The following EPHB1 variants were observed in gnomAD, a reference collection of about 807,000 sequenced individuals.
The protein encoded by EPHB1 is ephrin type-B receptor 1.
A neutral mutation model predicts 94.4 loss-of-function variants in EPHB1; 30 were observed. That is an observed-to-expected ratio of 0.32 (90% CI 0.24 to 0.43). EPHB1 has a LOEUF of 0.43. Ranked by LOEUF, EPHB1 falls within the 20% of genes least tolerant of loss-of-function variation. EPHB1 has a pLI of 1.00. For synonymous variants in EPHB1, 522 were observed against 489.1 expected (o/e 1.07, Z -0.89); for missense variants, 1,055 against 1,308.3 (o/e 0.81, Z 2.99).
chr3:135,193,444 G>A (rs1942513563), intron 11 of EPHB1, among the ~76,000 whole-genome samples: 1 of 152,216 alleles, frequency 6.6e-6, no homozygotes, highest in South Asian at 2.1e-4. Context: ...TATGCCCAAA[G>A]TAGAGCCAGG....
chr3:135,213,100 A>C (rs766018476), intron 12 of EPHB1, among the ~76,000 whole-genome samples: 9 of 152,176 alleles, frequency 5.9e-5, no homozygotes, highest in Non-Finnish European at 8.8e-5. Flanking sequence ...AGTTTTTCCT[A>C]CCAGGTCCTC....
At chr3:134,945,029 A>G (rs1245477436) in intron 2 of EPHB1, among the ~76,000 whole-genome samples, 2 of 152,198 alleles carry the variant, frequency 1.3e-5, no homozygotes, top group African/African-American at 2.4e-5. Context: ...GCATCTTTTC[A>G]TATATTTAAG....
At chr3:135,145,488 G>A (rs563950912) in intron 5 of EPHB1, among the ~76,000 whole-genome samples, 95 of 152,276 alleles carry the variant, frequency 6.2e-4, no homozygotes, top group African/African-American at 2.2e-3. Flanking sequence ...CTGGGTTGGG[G>A]AGATAGAAAA....
Position 135,102,980 on chromosome 3 carries a change from G to A in EPHB1, c.806-3468G>A, listed in dbSNP as rs192064868. ...GTCACACCCTGGGGCCTGTTGGGGG[G>A]TGGGGGCAAGGGGAAGGATAGCATT... On this transcript the variant is annotated intron_variant, in intron 3 of 15. Transcript: ENST00000398015. Among the ~76,000 whole-genome samples, 1,019 of 152,196 alleles carry A rather than the reference G, an allele frequency of 6.7e-3. 10 individuals are homozygous for A. Among genetic ancestry groups the A allele is most frequent in the African/African-American group, 0.023 (957 of 41,500 alleles).
At chr3:135,021,497 C>A (rs917282659) in intron 3 of EPHB1, among the ~76,000 whole-genome samples, 1 of 151,534 alleles carries the variant, frequency 6.6e-6, no homozygotes, top group Non-Finnish European at 1.5e-5. Context: ...TTAAAGAAAT[C>A]TCTCCCCCCA....
rs753024740 is a variant in EPHB1, at chr3:135,201,658, A to G, written c.2315A>G (p.Asp772Gly). ...DFGLSRYLQD[D>G]TSDPTYTSSL... ...GGCCTCTCCCGCTACCTCCAGGATGACACCTCAGATCCCACCTACACCAGC... is the reference window on the plus strand; with the variant it reads ...GGCCTCTCCCGCTACCTCCAGGATGGCACCTCAGATCCCACCTACACCAGC... The change falls in exon 12 of 16, where the codon GAC becomes GGC. Residue 772 changes from aspartate (D) to glycine (G), a missense_variant. Coordinates refer to ENST00000398015, the MANE Select transcript of EPHB1 (RefSeq NM_004441.5). 7 of 1,613,710 alleles carry G rather than the reference A, an allele frequency of 4.3e-6. No individual in the cohort carries two copies. The highest frequency in any genetic ancestry group is 3.3e-5 in the Admixed American group (2 of 59,958).
intron 1 of EPHB1, among the ~76,000 whole-genome samples, chr3:134,811,251 T>TTTTTTTTTTTTTTTTTTTTTTTTTC (rs2036172164): frequency 1.0e-5 from 1 of 97,156 alleles, no homozygotes; most frequent in Non-Finnish European, 1.8e-5. Flanking sequence ...GGTTTTTTTT[T>TTTTTTTTTTTTTTTTTTTTTTTTTC]TTTTTTTTTT....
At chr3:135,048,355 G>A (rs1365209522) in intron 3 of EPHB1, among the ~76,000 whole-genome samples, 13 of 131,014 alleles carry the variant, frequency 9.9e-5, no homozygotes, top group Non-Finnish European at 2.0e-4. Flanking sequence ...CTGCAGCCTC[G>A]ACCTCCTGGG....
At chr3:135,238,751 C>T (rs1353093372) in intron 12 of EPHB1, among the ~76,000 whole-genome samples, 1 of 152,062 alleles carries the variant, frequency 6.6e-6, no homozygotes, top group Admixed American at 6.5e-5. Flanking sequence ...CTCTCTCTCA[C>T]ACACACACAC....
At chr3:135,196,789 A>G (rs1230755135) in intron 11 of EPHB1, among the ~76,000 whole-genome samples, 1 of 152,188 alleles carries the variant, frequency 6.6e-6, no homozygotes, top group East Asian at 1.9e-4. Flanking sequence ...GCCCTGAATC[A>G]GCATCTGAGA....
chr3:134,949,479 C>T (rs1425023319), intron 2 of EPHB1, among the ~76,000 whole-genome samples: 1 of 152,190 alleles, frequency 6.6e-6, no homozygotes, highest in Non-Finnish European at 1.5e-5. Context: ...AGCCTTGCTT[C>T]TATCCACTTG....
chr3:135,048,238 CTTTTT>C (rs1937061297), intron 3 of EPHB1, among the ~76,000 whole-genome samples: 1 of 73,478 alleles, frequency 1.4e-5, no homozygotes, highest in African/African-American at 5.8e-5. Flanking sequence ...TTTTTTTTTT[CTTTTT>C]CTTTCTTTCT....
chr3:135,064,100 ATT>A (rs1576356595), intron 3 of EPHB1, among the ~76,000 whole-genome samples: 1 of 152,096 alleles, frequency 6.6e-6, no homozygotes, highest in Non-Finnish European at 1.5e-5. Context: ...GTTAGCTAGT[ATT>A]TTGTTAAGAA....
At chr3:134,863,666 T>C (rs1302900180) in intron 1 of EPHB1, among the ~76,000 whole-genome samples, 1 of 152,222 alleles carries the variant, frequency 6.6e-6, no homozygotes, top group African/African-American at 2.4e-5. Flanking sequence ...AAATTCAACA[T>C]TTTTTCATTT....
chr3:135,200,080 A>G (rs1301331982), intron 11 of EPHB1, among the ~76,000 whole-genome samples: 1 of 152,204 alleles, frequency 6.6e-6, no homozygotes, highest in East Asian at 1.9e-4. Context: ...TCCTCCAGTC[A>G]GAGCATTCTA....
At chr3:134,813,940 G>C (rs1032965238) in intron 1 of EPHB1, among the ~76,000 whole-genome samples, 1 of 152,186 alleles carries the variant, frequency 6.6e-6, no homozygotes, top group Non-Finnish European at 1.5e-5. Context: ...AGCTGATGCT[G>C]ACGCTGCATC....
At chr3:135,191,597 A>G (rs995529726) in intron 10 of EPHB1, among the ~76,000 whole-genome samples, 4 of 152,214 alleles carry the variant, frequency 2.6e-5, no homozygotes, top group African/African-American at 9.6e-5. Flanking sequence ...ATTAAATTAT[A>G]AAATAACTTT....
intron 4 of EPHB1, among the ~76,000 whole-genome samples, chr3:135,121,043 G>T (rs1346265817): frequency 6.6e-6 from 1 of 152,166 alleles, no homozygotes. Context: ...GGTCCAGGTG[G>T]TTGTCTTCTT....
chr3:135,233,654 C>T (rs1442692288), intron 12 of EPHB1, among the ~76,000 whole-genome samples: 3 of 152,356 alleles, frequency 2.0e-5, no homozygotes, highest in East Asian at 1.9e-4. Context: ...TCCAACCTAA[C>T]GTTTCCCTTC....
Sources: allele counts gnomAD v4.1 joint callset (sites outside exome capture counted in the v4.1 genomes callset), GRCh38; gene constraint gnomAD v4.1.1; transcripts MANE v1.5; gene names NCBI Gene and HGNC (gene_info 2026-07-23, HGNC 2026-07-21).